ZNF697: variants seen among roughly 807,000 people sequenced by gnomAD.
ZNF697 encodes the protein zinc finger protein 697.
ZNF697 carries 23 observed loss-of-function variants against 32.4 expected under a neutral mutation model. The observed-to-expected ratio is 0.71, with a 90% CI of 0.51 to 1.01. ZNF697 has a LOEUF of 1.01. ZNF697 is among the 50% of genes least tolerant of loss of function. ZNF697 has a pLI of 0.00. For missense variants in ZNF697, 930 were observed against 794.0 expected (o/e 1.17, Z -2.06); for synonymous variants, 418 against 337.2 (o/e 1.24, Z -2.62).
At chr1:119,633,384 GTGTGTGTGTA>G (rs755544609) in intron 1 of ZNF697, among the ~76,000 whole-genome samples, 11 of 136,550 alleles carry the variant, frequency 8.1e-5, no homozygotes, top group African/African-American at 1.8e-4. Flanking sequence ...GTGTGTGTGT[GTGTGTGTGTA>G]TAGAGAGAGA....
intron 1 of ZNF697, among the ~76,000 whole-genome samples, chr1:119,642,956 AC>A (rs1649117399): frequency 6.6e-6 from 1 of 152,260 alleles, no homozygotes; most frequent in South Asian, 2.1e-4. Flanking sequence ...AAAAATTTCA[AC>A]AACTGGAAAA....
chr1:119,626,262 T>G, intron 1 of ZNF697, 125 bp from the exon 2 acceptor site: 1 of 1,261,774 alleles, frequency 7.9e-7, no homozygotes, highest in South Asian at 1.6e-5. Flanking sequence ...AAACCTCCAC[T>G]TCACTCCACA....
In ZNF697 at chr1:119,622,450, C is replaced by A. The variant is rs916938640; in HGVS notation, c.*255G>T. On this transcript the variant is annotated 3_prime_UTR_variant, in exon 3 of 3. Transcript: ENST00000421812. ...CCTCCAAGCTCTTCACCCCCTACAGCGTGTATTTAAGGAAGTCATCACCCC... is the reference window on the plus strand; with the variant it reads ...CCTCCAAGCTCTTCACCCCCTACAGAGTGTATTTAAGGAAGTCATCACCCC... 8.8e-6 allele frequency: 5 copies of A among 571,336 alleles called. No individual in the cohort carries two copies. Among genetic ancestry groups the A allele is most frequent in the Non-Finnish European group, 1.1e-5 (4 of 361,686 alleles). 35.4% of individuals were successfully genotyped at this position (571,336 alleles called of 1,614,324 possible). A position where few individuals can be genotyped will look rare whatever the true frequency, so the allele number is the denominator to read the frequency against.
At position 119,622,661 on chromosome 1, in the gene ZNF697, C is replaced by A; in HGVS notation, c.*44G>T. On this transcript the variant is annotated 3_prime_UTR_variant, in exon 3 of 3. Transcript: ENST00000421812. ...CCTGGGTCAGTCCCAGGATATCTACCCCCCACAGGCTCCCCAGACGGCAGC... is the reference window on the plus strand; with the variant it reads ...CCTGGGTCAGTCCCAGGATATCTACACCCCACAGGCTCCCCAGACGGCAGC... 6.8e-7 allele frequency: 1 copy of A among 1,467,536 alleles called. No homozygotes were observed. The highest frequency in any genetic ancestry group is 1.4e-5 in the South Asian group (1 of 71,840). The allele number at this position is 1,467,536 out of a possible 1,614,324, so 90.9% of individuals were successfully genotyped here. A position where few individuals can be genotyped will look rare whatever the true frequency, so the allele number is the denominator to read the frequency against.
In ZNF697 at chr1:119,623,277, C is replaced by T. The variant is rs780716419; in HGVS notation, c.1066G>A (p.Gly356Arg). 1 of 1,496,776 alleles carries T rather than the reference C, an allele frequency of 6.7e-7. No homozygotes were observed. 92.7% of individuals were successfully genotyped at this position (1,496,776 alleles called of 1,614,324 possible). Residue 356 changes from glycine to arginine, a missense_variant, in exon 3 of 3, where the codon GGG (glycine) becomes AGG (arginine). Physicochemically the swap from Gly to Arg is moderately radical, Grantham distance 125. Coordinates refer to ENST00000421812, the MANE Select transcript of ZNF697 (RefSeq NM_001080470.2). ...CGCACGAAGCCCTTGCCGCACTCCC[C>T]GCAGGCGAAGGGCCGCAGCGCCGCC... ...GAAALRPFAC[G>R]ECGKGFVRRS... is the part of the protein sequence containing the mutation.
In ZNF697 at chr1:119,623,739, C is replaced by G. The variant is rs1188091083; in HGVS notation, c.604G>C (p.Ala202Pro). 1 of 1,536,156 alleles carries G rather than the reference C, an allele frequency of 6.5e-7. No individual in the cohort carries two copies. Among genetic ancestry groups the G allele is most frequent in the Admixed American group, 2.0e-5 (1 of 50,752 alleles). Residue 202 changes from alanine to proline, a missense_variant, in exon 3 of 3, where the codon GCC (alanine) becomes CCC (proline). Coordinates refer to ENST00000421812, the MANE Select transcript of ZNF697 (RefSeq NM_001080470.2). ...ATGCGCTGGTGCTGCAGGAAGGCGG[C>G]GCCAGGACTGAAGCTCTCCCCGCAG... ...PDCGESFSPG[A>P]AFLQHQRIHR...
At chr1:119,627,715 G>A (rs994003543) in intron 1 of ZNF697, among the ~76,000 whole-genome samples, 3 of 152,130 alleles carry the variant, frequency 2.0e-5, no homozygotes, top group African/African-American at 7.2e-5. Flanking sequence ...CTTCGGATAT[G>A]GCTGTGTCTG....
Position 119,623,915 on chromosome 1 carries a change from C to T in ZNF697, c.428G>A (p.Trp143Ter). 6.4e-7 allele frequency: 1 copy of T among 1,570,596 alleles called. No individual in the cohort carries two copies. Among genetic ancestry groups the T allele is most frequent in the Non-Finnish European group, 8.6e-7 (1 of 1,157,872 alleles). The change falls in exon 3 of 3, where the codon TGG becomes TAG. Residue 143 changes from tryptophan to a stop codon, truncating the protein, a stop_gained. Transcript: ENST00000421812. LOFTEE classifies it high-confidence loss of function. ...ACTCCCCAGGGAGAGATGTCGCCTC[C>T]AGGGAAGTACGGGAGGGGCCGGCTG... The part of the protein sequence containing the change: ...EEQPAPPVLP[W>*]RRHLSLGSRH...
At chr1:119,625,771 T>C in intron 2 of ZNF697, 104 bp downstream of exon 2, 3 of 1,450,548 alleles carry the variant, frequency 2.1e-6, no homozygotes, top group South Asian at 1.4e-5. Flanking sequence ...GTCCCCTCTA[T>C]GGAACTCCCT....
In ZNF697 at chr1:119,622,267, GAT is replaced by G; in HGVS notation, c.*436_*437del. The G allele has an allele frequency of 6.3e-6, 1 of 157,522 alleles. No homozygotes were observed. Among genetic ancestry groups the G allele is most frequent in the Non-Finnish European group, 1.4e-5 (1 of 72,152 alleles). 9.8% of individuals were successfully genotyped at this position (157,522 alleles called of 1,614,324 possible). On this transcript the variant is annotated 3_prime_UTR_variant, in exon 3 of 3. Coordinates refer to ENST00000421812, the MANE Select transcript of ZNF697 (RefSeq NM_001080470.2). ...TCGGGCAAACTCTTGGTGGGACCAAGATAGAATCACTTATACTTGGTTTTATT... is the reference window on the plus strand; with the variant it reads ...TCGGGCAAACTCTTGGTGGGACCAAGAGAATCACTTATACTTGGTTTTATT...
chr1:119,642,792 T>A (rs907084806), intron 1 of ZNF697, among the ~76,000 whole-genome samples: 1 of 152,254 alleles, frequency 6.6e-6, no homozygotes, highest in Non-Finnish European at 1.5e-5. Context: ...TTCTACCTTC[T>A]ATTTCTAAAT....
chr1:119,641,348 C>T (rs1259905049), intron 1 of ZNF697, among the ~76,000 whole-genome samples: 1 of 151,476 alleles, frequency 6.6e-6, no homozygotes, highest in African/African-American at 2.4e-5. Flanking sequence ...TGGCACACAT[C>T]CCCCCCTAAA....
rs1330817630 is a variant in ZNF697 at position 119,623,493 on chromosome 1, T to C, written c.850A>G (p.Thr284Ala). The C allele has an allele frequency of 6.4e-7, 1 of 1,570,160 alleles. No individual in the cohort carries two copies. Among genetic ancestry groups the C allele is most frequent in the South Asian group, 1.2e-5 (1 of 86,644 alleles). ...GCGCACAGGTTGGGCCGCTCGCCCG[T>C]GTGCAGGCGCAGGTGGTTGGTCAGG... is the stretch of plus-strand genomic sequence containing the variant. ...TYLTNHLRLH[T>A]GERPNLCADC... Residue 284 changes from threonine (T) to alanine (A), a missense_variant, in exon 3 of 3, where the codon ACG (threonine) becomes GCG (alanine). Thr to Ala is a moderately conservative substitution (Grantham distance 58). Transcript: ENST00000421812.
chr1:119,626,021 G>C lies in ZNF697; in HGVS notation c.80C>G (p.Ser27Cys). 6.2e-7 allele frequency: 1 copy of C among 1,613,974 alleles called. No individual in the cohort carries two copies. Among genetic ancestry groups the C allele is most frequent in the South Asian group, 1.1e-5 (1 of 91,074 alleles). ...TTCTGGGTCCCCTTCCCTGTCCTCA[G>C]AGTCCTCAAAATCAGAACCCATCCC... ...DKGMGSDFEDSEDREGDPEER... is the reference protein window; with the variant it reads ...DKGMGSDFEDCEDREGDPEER... Residue 27 changes from serine (S) to cysteine (C), a missense_variant, in exon 2 of 3, where the codon TCT (serine) becomes TGT (cysteine). Physicochemically the swap from Ser to Cys is moderately radical, Grantham distance 112. Transcript: ENST00000421812.
chr1:119,644,097 G>A (rs587758287), intron 1 of ZNF697, among the ~76,000 whole-genome samples: 1 of 152,314 alleles, frequency 6.6e-6, no homozygotes, highest in Admixed American at 6.5e-5. Context: ...ACCCACTCAA[G>A]TCTACTTTCA....
In ZNF697 at chr1:119,622,950, AGGG is replaced by A; in HGVS notation, c.1390_1392del (p.Pro464del). ...CGCTTCTCGCACTGGCCACAGCGGA[AGGG>A]CTTCTCGCCGGTGTGCACGCGCAGG... On this transcript the variant is annotated inframe_deletion, in exon 3 of 3. Transcript: ENST00000421812. 6.2e-7 allele frequency: 1 copy of A among 1,603,860 alleles called. No individual in the cohort carries two copies. Among genetic ancestry groups the A allele is most frequent in the Non-Finnish European group, 8.5e-7 (1 of 1,175,120 alleles).
intron 1 of ZNF697, among the ~76,000 whole-genome samples, chr1:119,644,939 G>A (rs587678904): frequency 7.2e-5 from 11 of 152,298 alleles, no homozygotes; most frequent in South Asian, 2.1e-4. Flanking sequence ...GACAGTCTTC[G>A]TAGTGCTGCT....
At chr1:119,640,680 A>C (rs1474876823) in intron 1 of ZNF697, among the ~76,000 whole-genome samples, 1 of 152,226 alleles carries the variant, frequency 6.6e-6, no homozygotes, top group Non-Finnish European at 1.5e-5. Context: ...TGACAGGACA[A>C]CTACTTCTCT....
At chr1:119,631,806 G>C (rs1325063259) in intron 1 of ZNF697, among the ~76,000 whole-genome samples, 1 of 152,144 alleles carries the variant, frequency 6.6e-6, no homozygotes, top group Non-Finnish European at 1.5e-5. Context: ...CTCATCTCGA[G>C]GGTCCCTTCC....
Sources: gnomAD v4.1 joint callset for allele counts (sites outside exome capture counted in the v4.1 genomes callset) on GRCh38, gnomAD v4.1.1 for gene constraint, MANE v1.5 for transcripts, NCBI Gene and HGNC (gene_info 2026-07-23, HGNC 2026-07-21) for gene names.